ADARB1: variants seen among roughly 807,000 people sequenced by gnomAD.
The protein encoded by ADARB1 is adenosine deaminase RNA specific B1.
A neutral mutation model predicts 52.4 loss-of-function variants in ADARB1; 10 were observed. The ratio of observed to expected loss-of-function variants is 0.19; its 90% CI spans 0.12 to 0.32. The LOEUF (loss-of-function observed/expected upper bound fraction) is 0.32. ADARB1 is among the 10% of genes least tolerant of loss of function. The pLI is 1.00. For missense variants in ADARB1, 643 were observed against 922.3 expected, an observed-to-expected ratio of 0.70 and a Z score of 3.92; for synonymous variants, 349 against 371.1, an observed-to-expected ratio of 0.94 and a Z score of 0.68.
chr21:45,077,163 T>G (rs1192762628), intron 1 of ADARB1, among the ~76,000 whole-genome samples: 2 of 152,260 alleles, frequency 1.3e-5, no homozygotes, highest in Non-Finnish European at 2.9e-5. Context: ...TCAAAATTTC[T>G]TAGCTGTAAG....
At chr21:45,131,553 C>G (rs1021317686) in intron 2 of ADARB1, among the ~76,000 whole-genome samples, 5 of 152,148 alleles carry the variant, frequency 3.3e-5, no homozygotes, top group Non-Finnish European at 5.9e-5. Context: ...TTAGGAGTGC[C>G]CATGTCACCA....
At chr21:45,094,954 C>T (rs1052817925) in intron 1 of ADARB1, among the ~76,000 whole-genome samples, 29 of 152,216 alleles carry the variant, frequency 1.9e-4, no homozygotes, top group African/African-American at 6.5e-4. Flanking sequence ...CATTCTGCTG[C>T]CCATGTGCTG....
At chr21:45,077,403 C>T (rs1037376298) in intron 1 of ADARB1, among the ~76,000 whole-genome samples, 6 of 152,204 alleles carry the variant, frequency 3.9e-5, no homozygotes, top group South Asian at 2.1e-4. Flanking sequence ...CGGTGGCTCA[C>T]GCCTGTAATC....
At chr21:45,201,797 G>A (rs1465417683) in intron 8 of ADARB1, among the ~76,000 whole-genome samples, 3 of 151,756 alleles carry the variant, frequency 2.0e-5, no homozygotes, top group African/African-American at 4.8e-5. Flanking sequence ...GGGCTTGGGC[G>A]GCAGGGAAGG....
At position 45,173,704 on chromosome 21, in the gene ADARB1, C is replaced by G. The variant is rs78836246; in HGVS notation, c.28+2020C>G. On this transcript the variant is annotated intron_variant, in intron 3 of 10. Transcript: ENST00000348831. ...ATGTTCTTGCTCAGTTTATTAATCT[C>G]TGAATTCCATCTTGGCTCTATTTTT... 4.5e-3 allele frequency among the ~76,000 whole-genome samples: 680 copies of G among 150,730 alleles called. 7 individuals carry two copies. Among genetic ancestry groups the G allele is most frequent in the Admixed American group, 8.2e-3 (123 of 15,060 alleles).
At chr21:45,214,322 A>G (rs975631271) in intron 9 of ADARB1, among the ~76,000 whole-genome samples, 4 of 152,192 alleles carry the variant, frequency 2.6e-5, no homozygotes, top group Non-Finnish European at 4.4e-5. Context: ...CTTTCTCCCA[A>G]TCAGTGGCTT....
rs1464848183 is a variant in ADARB1, at chr21:45,175,742, C to T, written c.41C>T (p.Thr14Ile). The change falls in exon 4 of 11, where the codon ACT becomes ATT. Residue 14 changes from threonine (T) to isoleucine (I), a missense_variant. Physicochemically the swap from Thr to Ile is moderately conservative, Grantham distance 89. Transcript: ENST00000348831. The stretch of plus-strand genomic sequence containing the variant: ...CTGGGCACCACAGGTTCCAGCAGCA[C>T]TGATGTGAAGGAAAACCGCAATCTG... Reference protein sequence around the residue: ...EDEENMSSSSTDVKENRNLDN... With the variant: ...EDEENMSSSSIDVKENRNLDN... The T allele has an allele frequency of 6.2e-7, 1 of 1,613,922 alleles. No homozygotes were observed. Among genetic ancestry groups the T allele is most frequent in the East Asian group, 2.2e-5 (1 of 44,900 alleles).
chr21:45,147,548 G>A (rs1376215448), intron 2 of ADARB1, among the ~76,000 whole-genome samples: 1 of 152,216 alleles, frequency 6.6e-6, no homozygotes, highest in East Asian at 1.9e-4. Flanking sequence ...TTAGACTGGA[G>A]AGAGAAGGGG....
At chr21:45,093,472 C>G (rs1387593644) in intron 1 of ADARB1, among the ~76,000 whole-genome samples, 7 of 152,212 alleles carry the variant, frequency 4.6e-5, no homozygotes, top group Admixed American at 2.6e-4. Flanking sequence ...GGTGCCGAGC[C>G]CTCTGGGCCA....
intron 2 of ADARB1, among the ~76,000 whole-genome samples, chr21:45,151,777 G>T (rs1008593328): frequency 6.6e-6 from 1 of 152,198 alleles, no homozygotes; most frequent in South Asian, 2.1e-4. Flanking sequence ...TGATGTGTGT[G>T]CATGTACATG....
chr21:45,146,434 AACCTGGTTTCAGCCGGACCGGG>A (rs1246988607), intron 2 of ADARB1: 2 of 152,268 alleles, frequency 1.3e-5, no homozygotes, highest in Non-Finnish European at 2.9e-5. Flanking sequence ...GTTGCAAGGC[AACCTGGTTTCAGCCGGACCGGG>A]ACTCTCCCGG....
chr21:45,182,449 C>A (rs998422702), intron 5 of ADARB1, 136 bp from the exon 6 acceptor site: 4 of 873,930 alleles, frequency 4.6e-6, no homozygotes, highest in Non-Finnish European at 6.7e-6. Context: ...TAAGAATATG[C>A]ATGAAGATGA....
chr21:45,098,922 GT>G (rs999933104), intron 1 of ADARB1, among the ~76,000 whole-genome samples: 3 of 152,182 alleles, frequency 2.0e-5, no homozygotes, highest in African/African-American at 7.2e-5. Flanking sequence ...AGAATTGGGG[GT>G]CAGGTTATTC....
In ADARB1 at chr21:45,176,696, G is replaced by T. The variant is rs746786300; in HGVS notation, c.963+32G>T. ...AACTATGCTGCTGCTTTAAAACACG[G>T]GGTCATTGCTCTTGGTAATGCTTCT... On this transcript the variant is annotated intron_variant, in intron 4 of 10. Transcript: ENST00000348831. This position sits in a 1 kb window ranked among gnomAD's most constrained non-coding sequence, Gnocchi z 5.8. The T allele has an allele frequency of 1.4e-5, 22 of 1,553,752 alleles. 1 individual carries two copies. In the South Asian group the frequency reaches 2.7e-4, roughly 19 times the overall value.
In ADARB1 at chr21:45,175,930, G is replaced by C. The variant is rs1343818159; in HGVS notation, c.229G>C (p.Val77Leu). 6.2e-7 allele frequency: 1 copy of C among 1,609,970 alleles called. No homozygotes were observed. The highest frequency in any genetic ancestry group is 1.3e-5 in the African/African-American group (1 of 74,708). The change falls in exon 4 of 11, where the codon GTC (valine) becomes CTC (leucine). Residue 77 changes from valine to leucine, a missense_variant. By Grantham distance (32) the Val-to-Leu change is conservative. Around this residue, in one of 2 missense-constraint regions of ADARB1, gnomAD observed 380 missense variants for 446.5 expected, o/e 0.85. Coordinates refer to ENST00000348831, the MANE Select transcript of ADARB1 (RefSeq NM_001112.4). The part of the protein sequence containing the change: ...LKKRRKTPGP[V>L]LPKNALMQLN... Reference sequence around the variant, plus strand: ...GAAAAGGAGGAAAACACCAGGGCCCGTCCTCCCCAAGAACGCCCTGATGCA... The same window carrying C: ...GAAAAGGAGGAAAACACCAGGGCCCCTCCTCCCCAAGAACGCCCTGATGCA...
intron 3 of ADARB1, among the ~76,000 whole-genome samples, chr21:45,174,220 T>TA (rs1341362484): frequency 1.3e-5 from 2 of 152,226 alleles, no homozygotes; most frequent in African/African-American, 2.4e-5. Flanking sequence ...TTGGTTACTT[T>TA]AAAAAATACA....
At chr21:45,077,810 A>G (rs542425734) in intron 1 of ADARB1, among the ~76,000 whole-genome samples, 1 of 152,292 alleles carries the variant, frequency 6.6e-6, no homozygotes, top group East Asian at 1.9e-4. Flanking sequence ...ATAATATGTG[A>G]GGTAGGAAAA....
In ADARB1 at chr21:45,142,077, A is replaced by G. The variant is rs1242919861; in HGVS notation, c.-48+13504A>G. ...GGGTGTCCTTAGCCACCCCCGGGCC[A>G]CCTTGGCCACTCTGGGTCACCTTGT... On this transcript the variant is annotated intron_variant, in intron 2 of 10. Coordinates refer to ENST00000348831, the MANE Select transcript of ADARB1 (RefSeq NM_001112.4). This position sits in a 1 kb window ranked among gnomAD's most constrained non-coding sequence, Gnocchi z 4.0. Among the ~76,000 whole-genome samples the G allele has an allele frequency of 6.6e-6, 1 of 152,118 alleles. No homozygotes were observed. The highest frequency in any genetic ancestry group is 1.5e-5 in the Non-Finnish European group (1 of 68,008).
chr21:45,161,174 C>T (rs1007421138), intron 2 of ADARB1, among the ~76,000 whole-genome samples: 1 of 152,158 alleles, frequency 6.6e-6, no homozygotes, highest in East Asian at 1.9e-4. Flanking sequence ...GAGGCTAGGG[C>T]TCTGTGCTCC....
Sources: gnomAD v4.1 joint callset for allele counts (sites outside exome capture counted in the v4.1 genomes callset) on GRCh38, gnomAD v4.1.1 for gene constraint, gnomAD v4.1.1 regional missense constraint, Gnocchi (gnomAD v3.1) non-coding constraint, MANE v1.5 for transcripts, NCBI Gene and HGNC (gene_info 2026-07-23, HGNC 2026-07-21) for gene names.